The following KCNQ1 variants were observed in gnomAD, a reference collection of about 807,000 sequenced individuals.
KCNQ1 encodes potassium voltage-gated channel subfamily KQT member 1.
In KCNQ1, 49 loss-of-function variants were observed where a neutral mutation model predicts 72.4. That is an observed-to-expected ratio of 0.68 (90% CI 0.54 to 0.86). The LOEUF (loss-of-function observed/expected upper bound fraction) is 0.86, where lower values mean the gene tolerates loss of function less well. Ranked by LOEUF, KCNQ1 falls within the 40% of genes least tolerant of loss-of-function variation. The probability of loss-of-function intolerance (pLI) is 0.00; values close to 1 mark genes in which losing one functional copy is unlikely to be tolerated. For synonymous variants in KCNQ1, 450 were observed against 412.6 expected, an observed-to-expected ratio of 1.09 and a Z score of -1.10; for missense variants, 790 against 945.1, an observed-to-expected ratio of 0.84 and a Z score of 2.15.
At chr11:2,581,606 C>G (rs1765593939) in intron 6 of KCNQ1, among the ~76,000 whole-genome samples, 1 of 152,376 alleles carries the variant, frequency 6.6e-6, no homozygotes, top group African/African-American at 2.4e-5. Context: ...TTCAAGGTGT[C>G]TGCACCTGAA....
chr11:2,616,667 G>T (rs1849069798), intron 10 of KCNQ1: 1 of 398,004 alleles, frequency 2.5e-6, no homozygotes, highest in Admixed American at 4.4e-5. Context: ...AGAGTGTGTA[G>T]TTTTATTTCC....
rs200901416 is a variant in KCNQ1, at chr11:2,471,747, CGT to C, written c.386+26270_386+26271del. On this transcript the variant is annotated intron_variant, in intron 1 of 15. Transcript: ENST00000155840. This position sits in a 1 kb window ranked among gnomAD's most constrained non-coding sequence, Gnocchi z 4.8. ...ATGGGCGTGTGTATGTGTGCATGGG[CGT>C]GTGTGTACTTGTGTATGGGTGTGTG... is the stretch of plus-strand genomic sequence containing the variant. Among the ~76,000 whole-genome samples, 602 of 143,166 alleles carry C rather than the reference CGT, an allele frequency of 4.2e-3. 8 individuals carry two copies. Among genetic ancestry groups the C allele is most frequent in the African/African-American group, 0.016 (575 of 36,800 alleles). 93.9% of individuals were successfully genotyped at this position (143,166 alleles called of 152,430 possible).
At position 2,700,527 on chromosome 11, in the gene KCNQ1, C is replaced by T. The variant is rs542767488; in HGVS notation, c.1514+38446C>T. Among the ~76,000 whole-genome samples, 16 of 152,106 alleles carry T rather than the reference C, an allele frequency of 1.1e-4. No homozygotes were observed. The South Asian group carries it at 2.7e-3, about 26-fold the overall frequency. ...CCTCGAACCCGGGCAAGGTCTCCAC[C>T]GCCGTGGCACCGGGTGCGGGAGGCG... On this transcript the variant is annotated intron_variant, in intron 11 of 15. Transcript: ENST00000155840.
chr11:2,571,533 G>C, intron 4 of KCNQ1, 130 bp downstream of exon 4: 1 of 767,794 alleles, frequency 1.3e-6, no homozygotes, highest in Non-Finnish European at 2.2e-6. Context: ...TGCCCCCGGG[G>C]GCACTGAGCC....
chr11:2,796,875 C>T (rs369998601), intron 15 of KCNQ1, among the ~76,000 whole-genome samples: 4 of 152,222 alleles, frequency 2.6e-5, no homozygotes, highest in East Asian at 1.9e-4. Flanking sequence ...GGGAAACGTT[C>T]GCCATTCGGT....
At chr11:2,681,411 G>C (rs972332231) in intron 11 of KCNQ1, 1 of 398,372 alleles carries the variant, frequency 2.5e-6, no homozygotes, top group African/African-American at 2.1e-5. Flanking sequence ...GGCAAAGAAT[G>C]GGGATCCCTG....
At position 2,787,574 on chromosome 11, in the gene KCNQ1, A is replaced by T. The variant is rs554927761; in HGVS notation, c.1794+9537A>T. ...TTTTAATTTAAAAGAAATAAGTAAA[A>T]TTGATTACAATAATATATTTTATTT... On this transcript the variant is annotated intron_variant, in intron 15 of 15. Coordinates refer to ENST00000155840, the MANE Select transcript of KCNQ1 (RefSeq NM_000218.3). The surrounding 1 kb of genome is among the most constrained non-coding windows in gnomAD (Gnocchi z 6.3). Among the ~76,000 whole-genome samples, 16 of 152,198 alleles carry T rather than the reference A, an allele frequency of 1.1e-4. No individual in the cohort carries two copies. The highest frequency in any genetic ancestry group is 2.2e-4 in the Non-Finnish European group (15 of 68,042).
chr11:2,802,956 G>A (rs925835029), intron 15 of KCNQ1, among the ~76,000 whole-genome samples: 1 of 152,230 alleles, frequency 6.6e-6, no homozygotes, highest in African/African-American at 2.4e-5. Flanking sequence ...GCTAGACAGT[G>A]CCCTGGCCAC....
chr11:2,838,224 C>T (rs1265646347), intron 15 of KCNQ1, among the ~76,000 whole-genome samples: 2 of 152,252 alleles, frequency 1.3e-5, no homozygotes, highest in African/African-American at 2.4e-5. Flanking sequence ...ACGTGGCTCA[C>T]AGCCACTGGC....
At position 2,541,765 on chromosome 11, in the gene KCNQ1, G is replaced by A. The variant is rs1847829044; in HGVS notation, c.477+13747G>A. 1.3e-5 allele frequency among the ~76,000 whole-genome samples: 2 copies of A among 151,366 alleles called. No homozygotes were observed. The highest frequency in any genetic ancestry group is 2.9e-5 in the Non-Finnish European group (2 of 67,906). Reference sequence around the variant, plus strand: ...CCACTTAGGAGTTCTAGAACCTTTGGAAAACCCCCTCTCATCCCGGGAGTT... The same window carrying A: ...CCACTTAGGAGTTCTAGAACCTTTGAAAAACCCCCTCTCATCCCGGGAGTT... On this transcript the variant is annotated intron_variant, in intron 2 of 15. Coordinates refer to ENST00000155840, the MANE Select transcript of KCNQ1 (RefSeq NM_000218.3). The surrounding 1 kb of genome is among the most constrained non-coding windows in gnomAD (Gnocchi z 4.8).
At chr11:2,530,074 G>A (rs1297496087) in intron 2 of KCNQ1, among the ~76,000 whole-genome samples, 3 of 152,156 alleles carry the variant, frequency 2.0e-5, no homozygotes, top group African/African-American at 7.2e-5. Flanking sequence ...CTTTTGCACT[G>A]CCCTGTGAAG....
At chr11:2,655,909 G>A (rs987274606) in intron 10 of KCNQ1, 18 of 398,652 alleles carry the variant, frequency 4.5e-5, no homozygotes, top group Middle Eastern at 6.3e-4. Context: ...CCCATATGCC[G>A]TTCCCAGGAT....
intron 11 of KCNQ1, chr11:2,688,886 G>T: frequency 2.5e-6 from 1 of 399,044 alleles, no homozygotes; most frequent in Admixed American, 4.4e-5. Flanking sequence ...AGGTCAGGTT[G>T]GAAGCTGAGG....
chr11:2,662,172 C>T, intron 11 of KCNQ1, 91 bp downstream of exon 11: 2 of 1,563,052 alleles, frequency 1.3e-6, no homozygotes, highest in Non-Finnish European at 8.8e-7. Flanking sequence ...TGCTCTCTGG[C>T]CAGAGTGCTA....
intron 15 of KCNQ1, among the ~76,000 whole-genome samples, chr11:2,794,024 G>A (rs1016938348): frequency 6.6e-6 from 1 of 152,182 alleles, no homozygotes; most frequent in African/African-American, 2.4e-5. Context: ...AGGGCACGAG[G>A]GCACATCCTC....
chr11:2,694,339 G>C (rs1445806559), intron 11 of KCNQ1: 3 of 398,546 alleles, frequency 7.5e-6, no homozygotes, highest in Non-Finnish European at 1.3e-5. Flanking sequence ...TGCCCCCCAG[G>C]GGACATATGG....
rs1421043090 is a variant in KCNQ1 at position 2,748,547 on chromosome 11, G to A, written c.1515-20297G>A. On this transcript the variant is annotated intron_variant, in intron 11 of 15. Transcript: ENST00000155840. The surrounding 1 kb of genome is among the most constrained non-coding windows in gnomAD (Gnocchi z 6.2). ...GCGTCCACGTGGAGGTGTGGGGCCC[G>A]GGTGGGACAAGCCTGGCAACCAGGA... 6.6e-5 allele frequency among the ~76,000 whole-genome samples: 10 copies of A among 152,202 alleles called. No individual in the cohort carries two copies. The highest frequency in any genetic ancestry group is 1.4e-4 in the African/African-American group (6 of 41,458).
chr11:2,645,510 A>C lies in KCNQ1; in HGVS notation c.1394-16451A>C, dbSNP rs970403135. 15 of 398,550 alleles carry C rather than the reference A, an allele frequency of 3.8e-5. No individual in the cohort carries two copies. The highest frequency in any genetic ancestry group is 6.2e-5 in the Non-Finnish European group (14 of 226,170). The allele number at this position is 398,550 out of a possible 1,614,324, so 24.7% of individuals were successfully genotyped here. A position where few individuals can be genotyped will look rare whatever the true frequency, so the allele number is the denominator to read the frequency against. On this transcript the variant is annotated intron_variant, in intron 10 of 15. Coordinates refer to ENST00000155840, the MANE Select transcript of KCNQ1 (RefSeq NM_000218.3). This position sits in a 1 kb window ranked among gnomAD's most constrained non-coding sequence, Gnocchi z 5.8. ...CTCATGTTGGGGCAGCAGCAACTCTATTGCAGCCCTACTCCTGGGGAAGTT... is the reference window on the plus strand; with the variant it reads ...CTCATGTTGGGGCAGCAGCAACTCTCTTGCAGCCCTACTCCTGGGGAAGTT...
chr11:2,642,150 T>G lies in KCNQ1; in HGVS notation c.1394-19811T>G. ...AATTTTAGGATTTTTTCTATTTCCATGAAAAATGGCATTGGTATTTTGAGA... is the reference window on the plus strand; with the variant it reads ...AATTTTAGGATTTTTTCTATTTCCAGGAAAAATGGCATTGGTATTTTGAGA... On this transcript the variant is annotated intron_variant, in intron 10 of 15. Transcript: ENST00000155840. The surrounding 1 kb of genome is among the most constrained non-coding windows in gnomAD (Gnocchi z 4.3). 1 of 398,484 alleles carries G rather than the reference T, an allele frequency of 2.5e-6. No individual in the cohort carries two copies. Among genetic ancestry groups the G allele is most frequent in the Non-Finnish European group, 4.4e-6 (1 of 225,982 alleles). The allele number at this position is 398,484 out of a possible 1,614,324, so 24.7% of individuals were successfully genotyped here. A position where few individuals can be genotyped will look rare whatever the true frequency, so the allele number is the denominator to read the frequency against.
Sources: allele counts gnomAD v4.1 joint callset (sites outside exome capture counted in the v4.1 genomes callset), GRCh38; gene constraint gnomAD v4.1.1; non-coding constraint Gnocchi (gnomAD v3.1); transcripts MANE v1.5; gene names NCBI Gene and HGNC (gene_info 2026-07-23, HGNC 2026-07-21).